Variants in PTP4A2 observed in about 807,000 individuals in gnomAD.
PTP4A2 encodes the protein protein tyrosine phosphatase 4A2.
Under a neutral mutation model 22.9 loss-of-function variants are expected in PTP4A2, and 2 were observed. The observed-to-expected ratio is 0.09, with a 90% CI of 0.04 to 0.27. The LOEUF is 0.27. PTP4A2 is among the 10% of genes least tolerant of loss of function. PTP4A2 has a pLI of 1.00. For missense variants in PTP4A2, 103 were observed against 205.1 expected, an observed-to-expected ratio of 0.50 and a Z score of 3.04; for synonymous variants, 68 against 69.1, an observed-to-expected ratio of 0.98 and a Z score of 0.08.
intron 3 of PTP4A2, among the ~76,000 whole-genome samples, chr1:31,912,775 T>C (rs1380852770): frequency 6.6e-6 from 1 of 152,138 alleles, no homozygotes; most frequent in African/African-American, 2.4e-5. Context: ...TAAGGACACT[T>C]TAAGATATTA....
intron 1 of PTP4A2, chr1:31,924,304 C>A (rs944332706): frequency 6.6e-6 from 1 of 152,116 alleles, no homozygotes; most frequent in African/African-American, 2.4e-5. Context: ...GGAATTTCTG[C>A]CAAAAGAAAC....
chr1:31,929,868 G>T (rs1652641172), intron 1 of PTP4A2, among the ~76,000 whole-genome samples: 1 of 152,152 alleles, frequency 6.6e-6, no homozygotes, highest in Non-Finnish European at 1.5e-5. Context: ...ACACCACATT[G>T]AAATGTTTTC....
At chr1:31,914,167 G>C (rs957886440) in intron 3 of PTP4A2, 1 of 417,652 alleles carries the variant, frequency 2.4e-6, no homozygotes, top group African/African-American at 2.0e-5. Flanking sequence ...CTCGGGTTCA[G>C]GTGATCCTCC....
intron 3 of PTP4A2, among the ~76,000 whole-genome samples, chr1:31,912,148 A>AATT (rs1651569621): frequency 6.6e-6 from 1 of 152,252 alleles, no homozygotes; most frequent in Admixed American, 6.5e-5. Context: ...CATAATAGAC[A>AATT]AAACTGTAAT....
At chr1:31,921,861 T>C (rs1448215659) in intron 1 of PTP4A2, 1 of 152,194 alleles carries the variant, frequency 6.6e-6, no homozygotes, top group African/African-American at 2.4e-5. Flanking sequence ...TTTTATTGTG[T>C]AAATTGCATA....
chr1:31,922,788 A>G (rs1652249206), intron 1 of PTP4A2, among the ~76,000 whole-genome samples: 1 of 151,826 alleles, frequency 6.6e-6, no homozygotes, highest in South Asian at 2.1e-4. Flanking sequence ...CCACCAGGCT[A>G]ATTTTTGATT....
rs1385051074 is a variant in PTP4A2 at position 31,908,968 on chromosome 1, T to C, written c.396-8A>G. On this transcript the variant is annotated splice_region_variant and splice_polypyrimidine_tract_variant and intron_variant, in intron 5 of 5. Transcript: ENST00000647444. Reference sequence around the variant, plus strand: ...AACGCTCCCCTTCTTTTTCTGAAAATACAAGAATGGCAAACTTTATCATGT... The same window carrying C: ...AACGCTCCCCTTCTTTTTCTGAAAACACAAGAATGGCAAACTTTATCATGT... 1 of 1,593,128 alleles carries C rather than the reference T, an allele frequency of 6.3e-7. No individual in the cohort carries two copies. The highest frequency in any genetic ancestry group is 1.3e-5 in the African/African-American group (1 of 74,388).
intron 1 of PTP4A2, among the ~76,000 whole-genome samples, chr1:31,923,692 T>C (rs929311294): frequency 2.6e-5 from 4 of 152,050 alleles, no homozygotes; most frequent in African/African-American, 7.3e-5. Context: ...CCAGCTAATA[T>C]TTTTAAAGTA....
intron 1 of PTP4A2, among the ~76,000 whole-genome samples, chr1:31,925,313 A>T (rs948206303): frequency 4.6e-5 from 7 of 152,200 alleles, no homozygotes; most frequent in Admixed American, 3.9e-4. Context: ...TAATCATAGG[A>T]TTAGAAAGAG....
At chr1:31,929,535 C>A (rs1020880678) in intron 1 of PTP4A2, among the ~76,000 whole-genome samples, 1 of 152,166 alleles carries the variant, frequency 6.6e-6, no homozygotes, top group Non-Finnish European at 1.5e-5. Flanking sequence ...TAAGCACATT[C>A]TTTTCCTAAA....
intron 1 of PTP4A2, among the ~76,000 whole-genome samples, chr1:31,922,017 C>T (rs186575934): frequency 6.6e-6 from 1 of 152,114 alleles, no homozygotes; most frequent in Non-Finnish European, 1.5e-5. Context: ...AATGTCTACC[C>T]TCAAAACTAA....
At chr1:31,932,802 A>G (rs1038386289) in intron 1 of PTP4A2, 3 of 152,192 alleles carry the variant, frequency 2.0e-5, no homozygotes, top group Admixed American at 1.3e-4. Context: ...CACTCCAAAG[A>G]GCAAAAAGAT....
chr1:31,925,337 A>G (rs1357375862), intron 1 of PTP4A2, among the ~76,000 whole-genome samples: 1 of 152,224 alleles, frequency 6.6e-6, no homozygotes, highest in Non-Finnish European at 1.5e-5. Flanking sequence ...CCAGAGGGCT[A>G]GTCCTCTGTC....
chr1:31,922,634 C>T (rs370149860), intron 1 of PTP4A2, among the ~76,000 whole-genome samples: 5 of 97,302 alleles, frequency 5.1e-5, no homozygotes, highest in East Asian at 5.4e-4. Context: ...TTCTTTCTTT[C>T]TTTTATTTAT....
intron 5 of PTP4A2, 104 bp downstream of exon 5, chr1:31,909,934 A>T: frequency 9.5e-7 from 1 of 1,058,174 alleles, no homozygotes; most frequent in South Asian, 1.5e-5. Flanking sequence ...TCAAGCCAAA[A>T]AAAGCAAATT....
chr1:31,911,613 A>C, intron 4 of PTP4A2, 83 bp downstream of exon 4: 1 of 1,314,632 alleles, frequency 7.6e-7, no homozygotes. Flanking sequence ...AATATATGCA[A>C]ATGTCTACCA....
chr1:31,931,450 A>G (rs1379493784), intron 1 of PTP4A2, among the ~76,000 whole-genome samples: 1 of 152,184 alleles, frequency 6.6e-6, no homozygotes, highest in Non-Finnish European at 1.5e-5. Flanking sequence ...GTGGTAAGAG[A>G]GCAACTCTTT....
In PTP4A2 at chr1:31,908,140, TTATATATATA is replaced by T. The variant is rs1204595576; in HGVS notation, c.*702_*711del. Reference sequence around the variant, plus strand: ...TATATATATATATATATATATTATATTATATATATATATATATATATATATATATATATAT... The same window carrying T: ...TATATATATATATATATATATTATATTATATATATATATATATATATATAT... On this transcript the variant is annotated 3_prime_UTR_variant, in exon 6 of 6. Coordinates refer to ENST00000647444, the MANE Select transcript of PTP4A2 (RefSeq NM_080391.4). The T allele has an allele frequency of 0.014, 6 of 422 alleles. 2 individuals carry two copies. Among genetic ancestry groups the T allele is most frequent in the Non-Finnish European group, 0.027 (6 of 220 alleles). 0.0% of individuals were successfully genotyped at this position (422 alleles called of 1,614,324 possible).
chr1:31,924,318 A>G (rs1569626008), intron 1 of PTP4A2, among the ~76,000 whole-genome samples: 1 of 152,204 alleles, frequency 6.6e-6, no homozygotes, highest in East Asian at 1.9e-4. Context: ...AAGAAACAGT[A>G]TGTTCTAGCA....
Sources: allele counts gnomAD v4.1 joint callset (sites outside exome capture counted in the v4.1 genomes callset), GRCh38; gene constraint gnomAD v4.1.1; transcripts MANE v1.5; gene names NCBI Gene and HGNC (gene_info 2026-07-23, HGNC 2026-07-21).